SLC25A16: variants seen among roughly 807,000 people sequenced by gnomAD.
SLC25A16 encodes the protein mitochondrial coenzyme A transporter SLC25A16.
Under a neutral mutation model 41.5 loss-of-function variants are expected in SLC25A16, and 39 were observed. That is an observed-to-expected ratio of 0.94 (90% CI 0.73 to 1.23). The LOEUF is 1.23. Ranked by LOEUF, SLC25A16 falls within the 50% of genes most tolerant of loss-of-function variation. The pLI, the probability that SLC25A16 is intolerant of heterozygous loss-of-function variation, is 0.00. For missense variants in SLC25A16, 421 were observed against 426.9 expected, an observed-to-expected ratio of 0.99 and a Z score of 0.12; for synonymous variants, 146 against 147.8, an observed-to-expected ratio of 0.99 and a Z score of 0.09.
rs1360995526 is a variant in SLC25A16, at chr10:68,518,793, ATAAATAAATAAATAAAT to A, written c.131-1967_131-1951del. 1.3e-3 allele frequency among the ~76,000 whole-genome samples: 167 copies of A among 133,202 alleles called. 1 individual carries two copies. Among genetic ancestry groups the A allele is most frequent in the African/African-American group, 4.3e-3 (129 of 30,100 alleles). The allele number at this position is 133,202 out of a possible 152,430, so 87.4% of individuals were successfully genotyped here. On this transcript the variant is annotated intron_variant, in intron 1 of 8. Transcript: ENST00000609923. Reference sequence around the variant, plus strand: ...GGTCTCAAAAAAACAAATAAAATAAATAAATAAATAAATAAATTAAATAAATAAATAAATAAAATGTA... The same window carrying A: ...GGTCTCAAAAAAACAAATAAAATAAATAAATAAATAAATAAATAAAATGTA...
At chr10:68,484,519 G>A (rs2052527942) in intron 8 of SLC25A16, among the ~76,000 whole-genome samples, 1 of 150,856 alleles carries the variant, frequency 6.6e-6, no homozygotes, top group Admixed American at 6.6e-5. Flanking sequence ...TCCAACTCCT[G>A]GGCACAAGCA....
At chr10:68,508,083 T>C (rs577436289) in intron 2 of SLC25A16, among the ~76,000 whole-genome samples, 1 of 151,640 alleles carries the variant, frequency 6.6e-6, no homozygotes, top group Admixed American at 6.6e-5. Flanking sequence ...ATACAAAAAT[T>C]AGGCAGGCAT....
intron 6 of SLC25A16, among the ~76,000 whole-genome samples, chr10:68,491,811 T>C (rs1427006438): frequency 6.6e-6 from 1 of 151,720 alleles, no homozygotes; most frequent in African/African-American, 2.4e-5. Flanking sequence ...GCTTGCTTGC[T>C]TGCTTGATTG....
chr10:68,506,856 T>C, intron 2 of SLC25A16, 138 bp from the exon 3 acceptor site: 1 of 510,914 alleles, frequency 2.0e-6, no homozygotes, highest in Non-Finnish European at 3.3e-6. Flanking sequence ...TAGTAATTTC[T>C]ATAAAACAGT....
Position 68,520,024 on chromosome 10 carries a change from CACT to C in SLC25A16, c.131-3184_131-3182del, listed in dbSNP as rs1590128125. On this transcript the variant is annotated intron_variant, in intron 1 of 8. Coordinates refer to ENST00000609923, the MANE Select transcript of SLC25A16 (RefSeq NM_152707.4). ...GGAGTGCAATGGTGCGATCTCGGCT[CACT>C]ACAACCTTCACCTCCCAGGTTCAAG... Among the ~76,000 whole-genome samples the C allele has an allele frequency of 2.1e-5, 3 of 146,310 alleles. No homozygotes were observed. The East Asian group carries it at 6.2e-4, about 30-fold the overall frequency.
Position 68,479,193 on chromosome 10 carries a change from A to T in SLC25A16, c.*4239T>A, listed in dbSNP as rs966219549. 6.6e-6 allele frequency: 1 copy of T among 152,220 alleles called. No homozygotes were observed. Among genetic ancestry groups the T allele is most frequent in the African/African-American group, 2.4e-5 (1 of 41,466 alleles). 9.4% of individuals were successfully genotyped at this position (152,220 alleles called of 1,614,324 possible). ...TTCATTTCTGCCTGCTAGAACATAA[A>T]GTCTTCAAAAACAGGGACTAACCCT... On this transcript the variant is annotated 3_prime_UTR_variant, in exon 9 of 9. Coordinates refer to ENST00000609923, the MANE Select transcript of SLC25A16 (RefSeq NM_152707.4).
In SLC25A16 at chr10:68,527,388, C is replaced by G. The variant is rs2053356369; in HGVS notation, c.-13G>C. Reference sequence around the variant, plus strand: ...TCGCCGCCGCCATCAGGACCAGGGTCGCGTCAGGAGCCTAGGTTGCCAACT... The same window carrying G: ...TCGCCGCCGCCATCAGGACCAGGGTGGCGTCAGGAGCCTAGGTTGCCAACT... On this transcript the variant is annotated 5_prime_UTR_variant, in exon 1 of 9. Transcript: ENST00000609923. 6.8e-7 allele frequency: 1 copy of G among 1,478,448 alleles called. No individual in the cohort carries two copies. Among genetic ancestry groups the G allele is most frequent in the African/African-American group, 1.5e-5 (1 of 68,596 alleles). 91.6% of individuals were successfully genotyped at this position (1,478,448 alleles called of 1,614,324 possible). A position where few individuals can be genotyped will look rare whatever the true frequency, so the allele number is the denominator to read the frequency against.
At chr10:68,513,615 C>T (rs979849582) in intron 2 of SLC25A16, among the ~76,000 whole-genome samples, 4 of 152,064 alleles carry the variant, frequency 2.6e-5, no homozygotes, top group African/African-American at 4.8e-5. Context: ...AGTGCCCGCG[C>T]GTGGTGGCTC....
chr10:68,514,445 G>C (rs1282192157), intron 2 of SLC25A16, among the ~76,000 whole-genome samples: 1 of 152,088 alleles, frequency 6.6e-6, no homozygotes, highest in Non-Finnish European at 1.5e-5. Flanking sequence ...GCAGTGAGCA[G>C]AGATCACACC....
intron 2 of SLC25A16, among the ~76,000 whole-genome samples, chr10:68,512,899 C>T (rs955278245): frequency 6.6e-6 from 1 of 151,714 alleles, no homozygotes; most frequent in East Asian, 1.9e-4. Context: ...ATTAGCTGGG[C>T]GTGGTGGCGG....
intron 1 of SLC25A16, among the ~76,000 whole-genome samples, chr10:68,523,832 C>T (rs1192836387): frequency 6.6e-6 from 1 of 152,112 alleles, no homozygotes; most frequent in Non-Finnish European, 1.5e-5. Context: ...GGATTGGTGG[C>T]TTATGCCTTT....
At chr10:68,526,197 G>A (rs1375344919) in intron 1 of SLC25A16, among the ~76,000 whole-genome samples, 7 of 151,228 alleles carry the variant, frequency 4.6e-5, no homozygotes, top group Non-Finnish European at 1.0e-4. Flanking sequence ...GGAATGTCTC[G>A]GTATAAAACG....
At chr10:68,510,833 G>A (rs949714198) in intron 2 of SLC25A16, among the ~76,000 whole-genome samples, 18 of 151,926 alleles carry the variant, frequency 1.2e-4, no homozygotes, top group African/African-American at 3.9e-4. Flanking sequence ...GCAAGACTCC[G>A]TCTCAAATAA....
intron 4 of SLC25A16, chr10:68,499,673 C>T: frequency 5.6e-6 from 2 of 360,054 alleles, no homozygotes; most frequent in South Asian, 2.9e-5. Context: ...GTGATCCATG[C>T]CCATCCGAAA....
intron 8 of SLC25A16, among the ~76,000 whole-genome samples, chr10:68,485,104 CTTT>C (rs566471856): frequency 6.6e-6 from 1 of 151,906 alleles, no homozygotes; most frequent in Non-Finnish European, 1.5e-5. Flanking sequence ...TTTTTCTTTT[CTTT>C]TTTATTGACA....
intron 4 of SLC25A16, among the ~76,000 whole-genome samples, chr10:68,501,533 GGA>G (rs1343647394): frequency 6.6e-6 from 1 of 150,800 alleles, no homozygotes; most frequent in Non-Finnish European, 1.5e-5. Context: ...GAGAGAAAGA[GGA>G]GAAGAGGAGA....
chr10:68,478,428 A>G lies in SLC25A16; in HGVS notation c.*5004T>C, dbSNP rs912093609. On this transcript the variant is annotated 3_prime_UTR_variant, in exon 9 of 9. Coordinates refer to ENST00000609923, the MANE Select transcript of SLC25A16 (RefSeq NM_152707.4). ...TATGTAAAGTGTATGCTTGCTATAC[A>G]AGTGTGTCAGGTATTATTGATCCAA... The G allele has an allele frequency of 6.6e-6, 1 of 152,192 alleles. No individual in the cohort carries two copies. Among genetic ancestry groups the G allele is most frequent in the African/African-American group, 2.4e-5 (1 of 41,436 alleles). The allele number at this position is 152,192 out of a possible 1,614,324, so 9.4% of individuals were successfully genotyped here.
intron 2 of SLC25A16, 73 bp from the exon 3 acceptor site, chr10:68,506,791 T>C (rs527630966): frequency 5.1e-4 from 431 of 846,494 alleles, no homozygotes; most frequent in Middle Eastern, 7.5e-4. Context: ...CAATCACAGA[T>C]AAAGATTAAT....
intron 1 of SLC25A16, among the ~76,000 whole-genome samples, chr10:68,520,301 C>A (rs1170580324): frequency 6.6e-6 from 1 of 152,090 alleles, no homozygotes; most frequent in Non-Finnish European, 1.5e-5. Context: ...GATAGTCCCC[C>A]CTTATCTGCA....
Sources: allele counts gnomAD v4.1 joint callset (sites outside exome capture counted in the v4.1 genomes callset), GRCh38; gene constraint gnomAD v4.1.1; transcripts MANE v1.5; gene names NCBI Gene and HGNC (gene_info 2026-07-23, HGNC 2026-07-21).